CYTH3: variants seen among roughly 807,000 people sequenced by gnomAD.
CYTH3 encodes the protein cytohesin-3.
CYTH3 carries 23 observed loss-of-function variants against 55.1 expected under a neutral mutation model. The ratio of observed to expected loss-of-function variants is 0.42; its 90% confidence interval spans 0.30 to 0.59. The LOEUF is 0.59. CYTH3 is among the 20% of genes least tolerant of loss of function. The pLI is 0.20. For missense variants in CYTH3, 413 were observed against 524.8 expected (o/e 0.79, Z 2.08); for synonymous variants, 249 against 194.9 (o/e 1.28, Z -2.31).
Position 6,230,668 on chromosome 7 carries a change from C to T in CYTH3, c.35-40137G>A, listed in dbSNP as rs552499174. Among the ~76,000 whole-genome samples the T allele has an allele frequency of 3.9e-5, 6 of 152,204 alleles. No homozygotes were observed. The South Asian group carries it at 1.2e-3, about 32-fold the overall frequency. ...TGCAGCCACATAATGACAATGTAAA[C>T]CTTTACTACATGAGAAGGATCCAAT... On this transcript the variant is annotated intron_variant, in intron 1 of 12. Transcript: ENST00000350796.
chr7:6,238,229 A>AT (rs146448870), intron 1 of CYTH3, among the ~76,000 whole-genome samples: 2 of 152,244 alleles, frequency 1.3e-5, no homozygotes, highest in East Asian at 3.9e-4. Flanking sequence ...TCACTTCAAT[A>AT]TTTTTTTAAT....
intron 1 of CYTH3, among the ~76,000 whole-genome samples, chr7:6,206,189 G>C (rs1379403878): frequency 6.6e-6 from 1 of 152,052 alleles, no homozygotes; most frequent in African/African-American, 2.4e-5. Flanking sequence ...TTCACAAATA[G>C]CCCAAACAAC....
chr7:6,179,874 A>C (rs1219892502), intron 4 of CYTH3, among the ~76,000 whole-genome samples: 1 of 80,172 alleles, frequency 1.2e-5, no homozygotes, highest in Non-Finnish European at 2.4e-5. Flanking sequence ...ACACCCACAC[A>C]CACCACACAC....
chr7:6,261,090 A>G (rs1162522617), intron 1 of CYTH3, among the ~76,000 whole-genome samples: 1 of 152,232 alleles, frequency 6.6e-6, no homozygotes, highest in East Asian at 1.9e-4. Flanking sequence ...CTACCCATGC[A>G]GTGAGGACTC....
chr7:6,209,788 C>G (rs113228840), intron 1 of CYTH3, among the ~76,000 whole-genome samples: 3,871 of 152,246 alleles, frequency 0.025, 73 homozygotes, highest in Middle Eastern at 0.068. Context: ...AGTAAGAGAT[C>G]AGCTCTCAAG....
intron 1 of CYTH3, among the ~76,000 whole-genome samples, chr7:6,232,691 C>A (rs1205905907): frequency 6.6e-6 from 1 of 152,224 alleles, no homozygotes; most frequent in Non-Finnish European, 1.5e-5. Context: ...CTCAGCCAGA[C>A]TGTGTGGTCT....
chr7:6,166,853 G>A (rs964392712), intron 9 of CYTH3, among the ~76,000 whole-genome samples: 3 of 152,140 alleles, frequency 2.0e-5, no homozygotes, highest in African/African-American at 4.8e-5. Context: ...GCCTGGAACA[G>A]GAGCCCAGCC....
At chr7:6,173,233 C>T (rs924912463) in intron 6 of CYTH3, among the ~76,000 whole-genome samples, 1 of 152,128 alleles carries the variant, frequency 6.6e-6, no homozygotes, top group Non-Finnish European at 1.5e-5. Flanking sequence ...TCCCAGACAC[C>T]AAAATGGCGA....
At chr7:6,183,186 G>A (rs1029316178) in intron 4 of CYTH3, among the ~76,000 whole-genome samples, 1 of 152,168 alleles carries the variant, frequency 6.6e-6, no homozygotes, top group Non-Finnish European at 1.5e-5. Flanking sequence ...GACCAGTCTC[G>A]ACGTCCCTCC....
intron 1 of CYTH3, among the ~76,000 whole-genome samples, chr7:6,240,712 G>C (rs1021463487): frequency 2.6e-5 from 4 of 152,112 alleles, no homozygotes; most frequent in African/African-American, 9.7e-5. Flanking sequence ...TTTAAATGTA[G>C]AACATGAACA....
At chr7:6,204,724 C>A (rs930772181) in intron 1 of CYTH3, among the ~76,000 whole-genome samples, 6 of 152,194 alleles carry the variant, frequency 3.9e-5, no homozygotes, top group Non-Finnish European at 8.8e-5. Flanking sequence ...CTTTAGCCAA[C>A]CCATGGCTCC....
intron 1 of CYTH3, among the ~76,000 whole-genome samples, chr7:6,266,167 T>C (rs1176511442): frequency 6.6e-6 from 1 of 151,984 alleles, no homozygotes; most frequent in Non-Finnish European, 1.5e-5. Flanking sequence ...AGTCCTCCCT[T>C]CTCCTCCAAA....
At chr7:6,207,565 G>A (rs2062382675) in intron 1 of CYTH3, among the ~76,000 whole-genome samples, 1 of 152,090 alleles carries the variant, frequency 6.6e-6, no homozygotes, top group African/African-American at 2.4e-5. Context: ...AGGAGTTTGA[G>A]ACCAGCCTGG....
At chr7:6,259,798 TATATATATATATATAA>T (rs1780281573) in intron 1 of CYTH3, among the ~76,000 whole-genome samples, 2 of 24,874 alleles carry the variant, frequency 8.0e-5, no homozygotes, top group Non-Finnish European at 1.1e-4. Context: ...TATATATATA[TATATATATATATATAA>T]TATATATATA....
At chr7:6,185,500 TC>T (rs1188542112) in intron 4 of CYTH3, among the ~76,000 whole-genome samples, 1 of 151,794 alleles carries the variant, frequency 6.6e-6, no homozygotes, top group Admixed American at 6.6e-5. Context: ...ATCGAGACCA[TC>T]CTAGCTAACA....
intron 1 of CYTH3, among the ~76,000 whole-genome samples, chr7:6,271,874 A>G (rs1286259078): frequency 6.6e-6 from 1 of 151,732 alleles, no homozygotes; most frequent in Non-Finnish European, 1.5e-5. Flanking sequence ...GTTTCCTAAA[A>G]CGTCTACCCT....
At chr7:6,180,411 C>CA (rs1256533516) in intron 4 of CYTH3, among the ~76,000 whole-genome samples, 4 of 152,198 alleles carry the variant, frequency 2.6e-5, no homozygotes, top group Admixed American at 2.6e-4. Flanking sequence ...TCCTATGAGA[C>CA]AGAGAGGAGA....
intron 1 of CYTH3, among the ~76,000 whole-genome samples, chr7:6,257,206 C>T (rs932312822): frequency 2.0e-5 from 3 of 152,156 alleles, no homozygotes; most frequent in African/African-American, 7.2e-5. Flanking sequence ...TCTACAATCA[C>T]TCATCTTCCC....
intron 1 of CYTH3, among the ~76,000 whole-genome samples, chr7:6,221,728 G>A (rs1045482175): frequency 1.1e-4 from 17 of 152,192 alleles, no homozygotes; most frequent in African/African-American, 3.9e-4. Flanking sequence ...GCCAGGCATG[G>A]TGGCTCACGC....
Sources: gnomAD v4.1 joint callset for allele counts (sites outside exome capture counted in the v4.1 genomes callset) on GRCh38, gnomAD v4.1.1 for gene constraint, MANE v1.5 for transcripts, NCBI Gene and HGNC (gene_info 2026-07-23, HGNC 2026-07-21) for gene names.